Variants in CAMTA1 observed in about 807,000 individuals in gnomAD.
The protein encoded by CAMTA1 is calmodulin-binding transcription activator 1.
In CAMTA1, 27 loss-of-function variants were observed where a neutral mutation model predicts 170.9. That is an observed-to-expected ratio of 0.16 (90% CI 0.12 to 0.22). The LOEUF (loss-of-function observed/expected upper bound fraction) is 0.22, where lower values mean the gene tolerates loss of function less well. Ranked by LOEUF, CAMTA1 falls within the 10% of genes least tolerant of loss-of-function variation. The probability of loss-of-function intolerance (pLI) is 1.00; values close to 1 mark genes in which losing one functional copy is unlikely to be tolerated. For synonymous variants in CAMTA1, 833 were observed against 891.5 expected, an observed-to-expected ratio of 0.93 and a Z score of 1.17; for missense variants, 1,619 against 2,217.2, an observed-to-expected ratio of 0.73 and a Z score of 5.42.
Position 7,534,473 on chromosome 1 carries a change from A to C in CAMTA1, c.510+66572A>C, listed in dbSNP as rs1322879629. 6.6e-6 allele frequency among the ~76,000 whole-genome samples: 1 copy of C among 152,216 alleles called. No homozygotes were observed. The highest frequency in any genetic ancestry group is 1.5e-5 in the Non-Finnish European group (1 of 68,026). On this transcript the variant is annotated intron_variant, in intron 6 of 22. Coordinates refer to ENST00000303635, the MANE Select transcript of CAMTA1 (RefSeq NM_015215.4). The surrounding 1 kb of genome is among the most constrained non-coding windows in gnomAD (Gnocchi z 5.6). ...ATGAATTTGTGTCACGTTTCACAAA[A>C]AATCTGCTTCCCTGTAAACAAGTGG...
At chr1:7,319,566 A>G (rs1678049724) in intron 5 of CAMTA1, among the ~76,000 whole-genome samples, 1 of 152,166 alleles carries the variant, frequency 6.6e-6, no homozygotes, top group Non-Finnish European at 1.5e-5. Flanking sequence ...TCTTTTCTCT[A>G]TGAATTACCC....
chr1:7,032,436 C>A (rs1372416418), intron 3 of CAMTA1, among the ~76,000 whole-genome samples: 2 of 152,148 alleles, frequency 1.3e-5, no homozygotes, highest in East Asian at 3.8e-4. Context: ...TGATGTTATA[C>A]CACTTCATGT....
At chr1:7,616,706 C>G (rs950948021) in intron 6 of CAMTA1, among the ~76,000 whole-genome samples, 1 of 152,174 alleles carries the variant, frequency 6.6e-6, no homozygotes, top group Non-Finnish European at 1.5e-5. Flanking sequence ...GGAACACTAG[C>G]AGGCAGAGGG....
At chr1:7,019,489 G>A (rs1462406351) in intron 3 of CAMTA1, among the ~76,000 whole-genome samples, 1 of 152,206 alleles carries the variant, frequency 6.6e-6, no homozygotes, top group African/African-American at 2.4e-5. Context: ...GGGTCACAAA[G>A]CTCTGAAATG....
intron 7 of CAMTA1, among the ~76,000 whole-genome samples, chr1:7,646,976 G>A (rs1248890930): frequency 6.6e-6 from 1 of 152,206 alleles, no homozygotes; most frequent in Non-Finnish European, 1.5e-5. Context: ...CAGTGCTGCC[G>A]AGACACCACA....
chr1:7,297,500 C>T (rs2149531691), intron 5 of CAMTA1, among the ~76,000 whole-genome samples: 1 of 152,352 alleles, frequency 6.6e-6, no homozygotes, highest in African/African-American at 2.4e-5. Flanking sequence ...CTCTGCATGA[C>T]TTCTAGTATC....
At chr1:7,552,937 G>C (rs1056194646) in intron 6 of CAMTA1, among the ~76,000 whole-genome samples, 2 of 152,236 alleles carry the variant, frequency 1.3e-5, no homozygotes, top group African/African-American at 4.8e-5. Context: ...CAGTAGCTGA[G>C]TGGGGATGTC....
intron 3 of CAMTA1, among the ~76,000 whole-genome samples, chr1:6,950,009 G>C (rs1688207210): frequency 6.6e-6 from 1 of 152,258 alleles, no homozygotes; most frequent in Admixed American, 6.5e-5. Context: ...CTCTACGTGT[G>C]CCTGATTCCA....
chr1:7,198,631 G>GA (rs1361001228), intron 4 of CAMTA1, among the ~76,000 whole-genome samples: 4 of 152,090 alleles, frequency 2.6e-5, no homozygotes, highest in African/African-American at 9.6e-5. Context: ...TGGCTTCTTT[G>GA]AGCCTCTGCT....
chr1:6,901,360 A>G (rs1438443835), intron 3 of CAMTA1, among the ~76,000 whole-genome samples: 1 of 152,242 alleles, frequency 6.6e-6, no homozygotes, highest in African/African-American at 2.4e-5. Context: ...CAATTGTGCA[A>G]TCCATAAGAG....
Position 7,103,480 on chromosome 1 carries a change from TAC to T in CAMTA1, c.302+12114_302+12115del, listed in dbSNP as rs1040260977. 3.6e-4 allele frequency among the ~76,000 whole-genome samples: 43 copies of T among 118,064 alleles called. 1 individual carries two copies. The South Asian group carries it at 6.9e-3, about 19-fold the overall frequency. The allele number at this position is 118,064 out of a possible 152,430, so 77.5% of individuals were successfully genotyped here. Reference sequence around the variant, plus strand: ...CTACACACATGTACACAACACACACTACACACGTACACACAACACAGATACAC... The same window carrying T: ...CTACACACATGTACACAACACACACTACACGTACACACAACACAGATACAC... On this transcript the variant is annotated intron_variant, in intron 4 of 22. Coordinates refer to ENST00000303635, the MANE Select transcript of CAMTA1 (RefSeq NM_015215.4).
In CAMTA1 at chr1:6,970,886, G is replaced by T. The variant is rs1356885628; in HGVS notation, c.235-120418G>T. Among the ~76,000 whole-genome samples, 1 of 152,194 alleles carries T rather than the reference G, an allele frequency of 6.6e-6. No individual in the cohort carries two copies. The highest frequency in any genetic ancestry group is 1.5e-5 in the Non-Finnish European group (1 of 68,040). On this transcript the variant is annotated intron_variant, in intron 3 of 22. Transcript: ENST00000303635. The surrounding 1 kb of genome is among the most constrained non-coding windows in gnomAD (Gnocchi z 4.4). ...GGTAGTGTCTGCATGGACCGTTGCTGGCTGTGGTCCTCTGCAGGGACCACT... is the reference window on the plus strand; with the variant it reads ...GGTAGTGTCTGCATGGACCGTTGCTTGCTGTGGTCCTCTGCAGGGACCACT...
intron 4 of CAMTA1, among the ~76,000 whole-genome samples, chr1:7,214,635 G>A (rs1659419141): frequency 6.6e-6 from 1 of 152,160 alleles, no homozygotes; most frequent in African/African-American, 2.4e-5. Context: ...CAAAGTGCTA[G>A]TATTACAGGC....
At chr1:6,820,369 C>G in intron 2 of CAMTA1, 119 bp downstream of exon 2, 1 of 891,694 alleles carries the variant, frequency 1.1e-6, no homozygotes, top group Middle Eastern at 2.3e-4. Context: ...GGGTTCTGCA[C>G]TTAACTGCTG....
At chr1:7,657,996 G>A (rs1477235212) in intron 7 of CAMTA1, among the ~76,000 whole-genome samples, 1 of 152,226 alleles carries the variant, frequency 6.6e-6, no homozygotes, top group African/African-American at 2.4e-5. Flanking sequence ...ATCGGCGGTT[G>A]TCAGAGCAGA....
chr1:7,609,275 G>A lies in CAMTA1; in HGVS notation c.511-31125G>A, dbSNP rs1177310078. 6.6e-6 allele frequency among the ~76,000 whole-genome samples: 1 copy of A among 152,148 alleles called. No homozygotes were observed. Among genetic ancestry groups the A allele is most frequent in the Non-Finnish European group, 1.5e-5 (1 of 68,028 alleles). The stretch of plus-strand genomic sequence containing the variant: ...TTAAAAATTCCCCACAGCATGGCAG[G>A]TGCCCGGCTGCTGGGTCACCCCATC... On this transcript the variant is annotated intron_variant, in intron 6 of 22. Transcript: ENST00000303635. The surrounding 1 kb of genome is among the most constrained non-coding windows in gnomAD (Gnocchi z 4.4).
intron 6 of CAMTA1, among the ~76,000 whole-genome samples, chr1:7,507,132 A>T (rs979485865): frequency 4.6e-5 from 7 of 151,234 alleles, no homozygotes; most frequent in African/African-American, 7.3e-5. Context: ...TCTCACATTC[A>T]CACACTCACA....
chr1:6,897,015 G>A (rs1033766025), intron 3 of CAMTA1, among the ~76,000 whole-genome samples: 1 of 152,154 alleles, frequency 6.6e-6, no homozygotes, highest in Admixed American at 6.5e-5. Context: ...ATAAAGCCAT[G>A]GAGCTGGAGG....
rs138135362 is a variant in CAMTA1 at position 7,589,317 on chromosome 1, C to A, written c.511-51083C>A. Among the ~76,000 whole-genome samples, 1,022 of 152,324 alleles carry A rather than the reference C, an allele frequency of 6.7e-3. 23 individuals are homozygous for A. The highest frequency in any genetic ancestry group is 0.024 in the African/African-American group (984 of 41,584). ...GCCCTCTTCCTGGGGGCTCTACACA[C>A]CCCGGCCGCTGTGGCAGGGTTCCCC... On this transcript the variant is annotated intron_variant, in intron 6 of 22. Coordinates refer to ENST00000303635, the MANE Select transcript of CAMTA1 (RefSeq NM_015215.4).
Sources: gnomAD v4.1 joint callset for allele counts (sites outside exome capture counted in the v4.1 genomes callset) on GRCh38, gnomAD v4.1.1 for gene constraint, Gnocchi (gnomAD v3.1) non-coding constraint, MANE v1.5 for transcripts, NCBI Gene and HGNC (gene_info 2026-07-23, HGNC 2026-07-21) for gene names.